SIPA1L1: variants seen among roughly 807,000 people sequenced by gnomAD.
SIPA1L1 encodes the protein signal induced proliferation associated 1 like 1, also known as signal-induced proliferation-associated 1-like protein 1.
Under a neutral mutation model 162.7 loss-of-function variants are expected in SIPA1L1, and 26 were observed. The observed-to-expected ratio is 0.16, with a 90% confidence interval of 0.12 to 0.22. SIPA1L1 has a LOEUF of 0.22. SIPA1L1 is among the 10% of genes least tolerant of loss of function. The pLI, the probability that SIPA1L1 is intolerant of heterozygous loss-of-function variation, is 1.00. For missense variants in SIPA1L1, 1,874 were observed against 2,241.0 expected (o/e 0.84, Z 3.31); for synonymous variants, 829 against 837.4 (o/e 0.99, Z 0.17).
intron 2 of SIPA1L1, among the ~76,000 whole-genome samples, chr14:71,492,641 C>T (rs2049374885): frequency 6.6e-6 from 1 of 152,140 alleles, no homozygotes; most frequent in African/African-American, 2.4e-5. Flanking sequence ...GAGTGAAAGC[C>T]GCTCTTATTT....
intron 20 of SIPA1L1, among the ~76,000 whole-genome samples, chr14:71,732,354 C>G (rs2150356625): frequency 6.6e-6 from 1 of 152,300 alleles, no homozygotes; most frequent in African/African-American, 2.4e-5. Flanking sequence ...GTGTCGCAGT[C>G]ACCTTCCAAG....
chr14:71,589,471 G>T, intron 5 of SIPA1L1, 101 bp downstream of exon 5: 1 of 681,692 alleles, frequency 1.5e-6, no homozygotes, highest in East Asian at 2.8e-5. Flanking sequence ...CATAAGATTT[G>T]CATGTCTTAT....
chr14:71,370,934 T>G (rs376768391), intron 2 of SIPA1L1, among the ~76,000 whole-genome samples: 1 of 152,168 alleles, frequency 6.6e-6, no homozygotes, highest in Admixed American at 6.5e-5. Flanking sequence ...GTATCTATTC[T>G]ATAGAAAGTA....
intron 2 of SIPA1L1, chr14:71,379,357 A>T (rs1194263788): frequency 6.6e-6 from 1 of 150,496 alleles, no homozygotes; most frequent in Non-Finnish European, 1.5e-5. Context: ...AGGCTGGAAT[A>T]CAGTGGCCTG....
intron 8 of SIPA1L1, among the ~76,000 whole-genome samples, chr14:71,653,707 G>T (rs553634452): frequency 2.0e-5 from 3 of 152,254 alleles, no homozygotes; most frequent in Non-Finnish European, 4.4e-5. Context: ...ATTCACAATG[G>T]CATGGTAAGT....
intron 2 of SIPA1L1, among the ~76,000 whole-genome samples, chr14:71,327,136 G>T (rs1300284307): frequency 1.4e-5 from 2 of 145,740 alleles, no homozygotes; most frequent in African/African-American, 5.1e-5. Context: ...AGGCTGGAGT[G>T]CAGTGATGTG....
At chr14:71,449,147 G>T (rs913054044) in intron 2 of SIPA1L1, among the ~76,000 whole-genome samples, 3 of 152,174 alleles carry the variant, frequency 2.0e-5, no homozygotes, top group Admixed American at 1.3e-4. Context: ...GACCTTCATG[G>T]TGATTAAAGC....
chr14:71,444,484 C>T (rs1372808170), intron 2 of SIPA1L1, among the ~76,000 whole-genome samples: 1 of 152,176 alleles, frequency 6.6e-6, no homozygotes, highest in Non-Finnish European at 1.5e-5. Flanking sequence ...TCATGGTTCT[C>T]AGAATAGGGA....
At chr14:71,707,461 C>G (rs938802981) in intron 16 of SIPA1L1, among the ~76,000 whole-genome samples, 1 of 152,134 alleles carries the variant, frequency 6.6e-6, no homozygotes, top group Non-Finnish European at 1.5e-5. Flanking sequence ...TCACCACCAC[C>G]GACTGCTTGT....
chr14:71,452,143 G>C (rs1007502207), intron 2 of SIPA1L1, among the ~76,000 whole-genome samples: 2 of 152,020 alleles, frequency 1.3e-5, no homozygotes, highest in African/African-American at 4.8e-5. Flanking sequence ...TTAAAAATCA[G>C]GATACCACCA....
At chr14:71,388,968 T>G (rs1422217039) in intron 2 of SIPA1L1, among the ~76,000 whole-genome samples, 1 of 152,174 alleles carries the variant, frequency 6.6e-6, no homozygotes, top group Non-Finnish European at 1.5e-5. Flanking sequence ...TTGGTAGAGA[T>G]AGGGTCTTGC....
At chr14:71,624,554 G>A (rs969750554) in intron 7 of SIPA1L1, among the ~76,000 whole-genome samples, 1 of 152,122 alleles carries the variant, frequency 6.6e-6, no homozygotes, top group Non-Finnish European at 1.5e-5. Flanking sequence ...ATAATGTTGT[G>A]TTAATGACAA....
chr14:71,426,835 A>G (rs962316752), intron 2 of SIPA1L1, among the ~76,000 whole-genome samples: 1 of 152,168 alleles, frequency 6.6e-6, no homozygotes, highest in African/African-American at 2.4e-5. Context: ...TTCCTCTAAT[A>G]GTTCAGGCAC....
chr14:71,583,650 T>C (rs1036389102), intron 4 of SIPA1L1, among the ~76,000 whole-genome samples: 3 of 152,122 alleles, frequency 2.0e-5, no homozygotes, highest in Non-Finnish European at 4.4e-5. Flanking sequence ...GAATTAGGAA[T>C]AGAATGTGCT....
At chr14:71,353,436 G>A (rs543477051) in intron 2 of SIPA1L1, among the ~76,000 whole-genome samples, 44 of 152,286 alleles carry the variant, frequency 2.9e-4, no homozygotes, top group South Asian at 4.1e-4. Context: ...ATGGAGGAGC[G>A]GAGATGAGCT....
intron 2 of SIPA1L1, among the ~76,000 whole-genome samples, chr14:71,357,818 C>T (rs1476386878): frequency 1.3e-5 from 2 of 152,204 alleles, no homozygotes; most frequent in African/African-American, 2.4e-5. Context: ...ACCTCTGCCT[C>T]CTGGGCTCAA....
intron 6 of SIPA1L1, among the ~76,000 whole-genome samples, chr14:71,622,454 T>C (rs2039549614): frequency 6.6e-6 from 1 of 152,218 alleles, no homozygotes; most frequent in South Asian, 2.1e-4. Flanking sequence ...AGTTAGCTGC[T>C]TTCTATGGCT....
intron 2 of SIPA1L1, among the ~76,000 whole-genome samples, chr14:71,449,437 A>C (rs1567038395): frequency 1.3e-5 from 2 of 152,136 alleles, no homozygotes; most frequent in Admixed American, 6.5e-5. Context: ...TTTACTACTG[A>C]GCTCCTAGAG....
intron 4 of SIPA1L1, among the ~76,000 whole-genome samples, chr14:71,548,006 A>G (rs915639630): frequency 2.6e-5 from 4 of 152,198 alleles, no homozygotes; most frequent in African/African-American, 9.7e-5. Context: ...TAAAGCCATA[A>G]TGACATCACA....
Sources: allele counts gnomAD v4.1 joint callset (sites outside exome capture counted in the v4.1 genomes callset), GRCh38; gene constraint gnomAD v4.1.1; transcripts MANE v1.5; gene names NCBI Gene and HGNC (gene_info 2026-07-23, HGNC 2026-07-21).